Variants in BCAT1 observed in about 807,000 individuals in gnomAD.
BCAT1 encodes branched chain amino acid transaminase 1.
A neutral mutation model predicts 52.4 loss-of-function variants in BCAT1; 48 were observed. The ratio of observed to expected loss-of-function variants is 0.92; its 90% CI spans 0.73 to 1.16. BCAT1 has a LOEUF of 1.16. Among genes scored for constraint, BCAT1 ranks in the 50% most tolerant of loss-of-function variants. The pLI is 0.00. For synonymous variants in BCAT1, 167 were observed against 161.3 expected (o/e 1.04, Z -0.27); for missense variants, 451 against 457.1 (o/e 0.99, Z 0.12).
intron 1 of BCAT1, among the ~76,000 whole-genome samples, chr12:24,934,556 T>C (rs1320324399): frequency 6.6e-6 from 1 of 152,178 alleles, no homozygotes; most frequent in African/African-American, 2.4e-5. Flanking sequence ...TACAAACTTT[T>C]CTTTTTATTT....
At chr12:24,875,704 T>C (rs1382020605) in intron 5 of BCAT1, among the ~76,000 whole-genome samples, 1 of 152,156 alleles carries the variant, frequency 6.6e-6, no homozygotes, top group Non-Finnish European at 1.5e-5. Flanking sequence ...AACACCTCGG[T>C]GATTCAAATG....
intron 1 of BCAT1, among the ~76,000 whole-genome samples, chr12:24,920,304 C>A (rs1943482848): frequency 6.6e-6 from 1 of 152,110 alleles, no homozygotes; most frequent in Admixed American, 6.5e-5. Context: ...AAGAATGAAT[C>A]CACAGGAACT....
chr12:24,848,576 A>T lies in BCAT1; in HGVS notation c.674+1210T>A, dbSNP rs1183744675. On this transcript the variant is annotated intron_variant, in intron 6 of 10. Coordinates refer to ENST00000261192, the MANE Select transcript of BCAT1 (RefSeq NM_005504.7). ...AGAAAGCAATATTTTAAACAGGGAAACTTTTTCCTTATTACTTTTCATCAA... is the reference window on the plus strand; with the variant it reads ...AGAAAGCAATATTTTAAACAGGGAATCTTTTTCCTTATTACTTTTCATCAA... Among the ~76,000 whole-genome samples the T allele has an allele frequency of 2.6e-5, 4 of 152,192 alleles. No homozygotes were observed. The South Asian group carries it at 8.3e-4, about 32-fold the overall frequency.
intron 5 of BCAT1, among the ~76,000 whole-genome samples, chr12:24,851,093 T>G (rs1322266741): frequency 6.6e-6 from 1 of 152,162 alleles, no homozygotes; most frequent in Non-Finnish European, 1.5e-5. Context: ...ACCCAACGTT[T>G]TGAAGGCTAC....
rs919758787 is a variant in BCAT1, at chr12:24,878,542, G to T, written c.498C>A (p.Phe166Leu). 1 of 1,607,276 alleles carries T rather than the reference G, an allele frequency of 6.2e-7. No individual in the cohort carries two copies. The highest frequency in any genetic ancestry group is 8.5e-7 in the Non-Finnish European group (1 of 1,177,762). The part of the protein sequence containing the change: ...TSASLYIRPT[F>L]IGTEPSLGVK... ...AGTCAGTTTGCACCTCAGTTCCAAT[G>T]AATGTAGGACGAATATACAGACTAG... is the stretch of plus-strand genomic sequence containing the variant. The change falls in exon 5 of 11, where the codon TTC becomes TTA. Residue 166 changes from phenylalanine (F) to leucine (L), a missense_variant. Phe to Leu is a conservative substitution (Grantham distance 22). Transcript: ENST00000261192.
At position 24,904,895 on chromosome 12, in the gene BCAT1, A is replaced by G. The variant is rs1591862596; in HGVS notation, c.7-3010T>C. Among the ~76,000 whole-genome samples the G allele has an allele frequency of 2.0e-5, 3 of 152,200 alleles. No individual in the cohort carries two copies. In the East Asian group the frequency reaches 5.8e-4, roughly 29 times the overall value. On this transcript the variant is annotated intron_variant, in intron 1 of 10. Coordinates refer to ENST00000261192, the MANE Select transcript of BCAT1 (RefSeq NM_005504.7). ...CCACAGACAGATGTAAAATTATAAC[A>G]AGTGCTGCCTGTGCTCTAAGAGCCT...
chr12:24,928,883 G>A (rs545805192), intron 1 of BCAT1, among the ~76,000 whole-genome samples: 1 of 150,478 alleles, frequency 6.6e-6, no homozygotes, highest in Admixed American at 6.7e-5. Flanking sequence ...TTACAGGCAC[G>A]TGCACCATGC....
intron 1 of BCAT1, among the ~76,000 whole-genome samples, chr12:24,921,249 T>C (rs1943496983): frequency 6.6e-6 from 1 of 152,210 alleles, no homozygotes; most frequent in Non-Finnish European, 1.5e-5. Context: ...GACAGCACTT[T>C]GGAGATTCCA....
At chr12:24,891,130 C>A (rs1942826089) in intron 3 of BCAT1, among the ~76,000 whole-genome samples, 1 of 152,158 alleles carries the variant, frequency 6.6e-6, no homozygotes, top group Admixed American at 6.5e-5. Context: ...GAGCTTCCAT[C>A]TGGGCTCAGT....
intron 3 of BCAT1, among the ~76,000 whole-genome samples, chr12:24,886,829 T>G (rs1202952746): frequency 5.6e-5 from 6 of 106,924 alleles, no homozygotes; most frequent in Non-Finnish European, 7.9e-5. Flanking sequence ...AGACCCTGTC[T>G]CTTAAAAAAA....
chr12:24,933,961 C>G (rs1943717139), intron 1 of BCAT1, among the ~76,000 whole-genome samples: 1 of 152,072 alleles, frequency 6.6e-6, no homozygotes, highest in South Asian at 2.1e-4. Context: ...CACATGAATT[C>G]TCCTCTTGGC....
chr12:24,821,669 C>T (rs951360922), intron 10 of BCAT1, among the ~76,000 whole-genome samples: 5 of 152,126 alleles, frequency 3.3e-5, no homozygotes, highest in Admixed American at 1.3e-4. Flanking sequence ...TTACTGCATA[C>T]GCATTATACC....
intron 1 of BCAT1, among the ~76,000 whole-genome samples, chr12:24,912,982 G>A (rs537181533): frequency 1.3e-5 from 2 of 152,206 alleles, no homozygotes; most frequent in South Asian, 2.1e-4. Context: ...AAAGATATAA[G>A]GGAAACTGTC....
chr12:24,888,925 T>G (rs1023063870), intron 3 of BCAT1, among the ~76,000 whole-genome samples: 2 of 152,184 alleles, frequency 1.3e-5, no homozygotes, highest in Admixed American at 1.3e-4. Context: ...GTCAGCCACC[T>G]GTACAGTAAG....
intron 1 of BCAT1, among the ~76,000 whole-genome samples, chr12:24,907,775 A>G (rs1943250197): frequency 6.6e-6 from 1 of 152,162 alleles, no homozygotes; most frequent in Non-Finnish European, 1.5e-5. Context: ...CCCACAAAAA[A>G]TTGTTCCTAC....
chr12:24,883,904 C>G (rs1235050803), intron 3 of BCAT1, among the ~76,000 whole-genome samples: 1 of 152,194 alleles, frequency 6.6e-6, no homozygotes, highest in East Asian at 1.9e-4. Context: ...AGATGGAGCT[C>G]AGGTGGTAAT....
intron 1 of BCAT1, chr12:24,902,290 TCAATCACAGACGCACAATAG>T: frequency 7.6e-7 from 1 of 1,308,670 alleles, no homozygotes; most frequent in Non-Finnish European, 9.7e-7. Flanking sequence ...CGTGGTCTTG[TCAATCACAGACGCACAATAG>T]CAAGCCTGCA....
At chr12:24,932,507 A>G (rs1320118419) in intron 1 of BCAT1, among the ~76,000 whole-genome samples, 1 of 152,252 alleles carries the variant, frequency 6.6e-6, no homozygotes, top group African/African-American at 2.4e-5. Context: ...CATTTTATTC[A>G]TATTGCATCA....
intron 1 of BCAT1, among the ~76,000 whole-genome samples, chr12:24,912,963 C>T (rs565902480): frequency 1.6e-3 from 248 of 152,240 alleles, no homozygotes; most frequent in African/African-American, 5.4e-3. Context: ...GCCTACAGAA[C>T]GAAGACCCAA....
Sources: gnomAD v4.1 joint callset for allele counts (sites outside exome capture counted in the v4.1 genomes callset) on GRCh38, gnomAD v4.1.1 for gene constraint, MANE v1.5 for transcripts, NCBI Gene and HGNC (gene_info 2026-07-23, HGNC 2026-07-21) for gene names.